The following SEMA6A variants were observed in gnomAD, a reference collection of about 807,000 sequenced individuals.
SEMA6A encodes semaphorin-6A.
A neutral mutation model predicts 96.8 loss-of-function variants in SEMA6A; 25 were observed. The ratio of observed to expected loss-of-function variants is 0.26; its 90% CI spans 0.19 to 0.36. The LOEUF (loss-of-function observed/expected upper bound fraction) is 0.36. Among genes scored for constraint, SEMA6A ranks in the 10% least tolerant of loss-of-function variants. The pLI is 1.00. For missense variants in SEMA6A, 1,363 were observed against 1,323.1 expected, an observed-to-expected ratio of 1.03 and a Z score of -0.47; for synonymous variants, 612 against 518.0, an observed-to-expected ratio of 1.18 and a Z score of -2.46.
chr5:116,518,657 C>T (rs1053518070), intron 1 of SEMA6A, among the ~76,000 whole-genome samples: 1 of 152,204 alleles, frequency 6.6e-6, no homozygotes, highest in Non-Finnish European at 1.5e-5. Context: ...TCTAGCATAG[C>T]ACAAGGATCC....
At chr5:116,485,917 A>C (rs1757028971) in intron 10 of SEMA6A, among the ~76,000 whole-genome samples, 2 of 152,178 alleles carry the variant, frequency 1.3e-5, no homozygotes, top group Admixed American at 1.3e-4. Context: ...AAAAACACTA[A>C]TGCTTATCTT....
chr5:116,542,424 A>G (rs982734782), intron 1 of SEMA6A, among the ~76,000 whole-genome samples: 4 of 152,118 alleles, frequency 2.6e-5, no homozygotes, highest in African/African-American at 7.2e-5. Flanking sequence ...ACAGGCATAT[A>G]TCATTTTTAA....
At chr5:116,511,668 G>A (rs1430323119) in intron 1 of SEMA6A, among the ~76,000 whole-genome samples, 1 of 152,208 alleles carries the variant, frequency 6.6e-6, no homozygotes, top group East Asian at 1.9e-4. Context: ...TCCCAAACAT[G>A]TAGGCATGCA....
At position 116,510,133 on chromosome 5, in the gene SEMA6A, A is replaced by C. The variant is rs537587609; in HGVS notation, c.-38-5151T>G. Among the ~76,000 whole-genome samples the C allele has an allele frequency of 1.1e-4, 16 of 152,252 alleles. No homozygotes were observed. The South Asian group carries it at 2.3e-3, about 22-fold the overall frequency. ...AAAGTTCATCAAGCGAGAGCAAAGA[A>C]ATCCCAGCATGCTATACTGCCTAGT... On this transcript the variant is annotated intron_variant, in intron 1 of 18. Coordinates refer to ENST00000343348, the MANE Select transcript of SEMA6A (RefSeq NM_020796.5).
chr5:116,526,818 T>G (rs1580476200), intron 1 of SEMA6A, among the ~76,000 whole-genome samples: 1 of 152,094 alleles, frequency 6.6e-6, no homozygotes, highest in South Asian at 2.1e-4. Context: ...CCTTTCTACT[T>G]GCAAATACAG....
At chr5:116,572,500 C>A (rs1761263209) in intron 1 of SEMA6A, among the ~76,000 whole-genome samples, 1 of 152,244 alleles carries the variant, frequency 6.6e-6, no homozygotes, top group South Asian at 2.1e-4. Context: ...TCCACGCACA[C>A]CTGGCTCTGC....
At chr5:116,532,110 G>A (rs1380677802) in intron 1 of SEMA6A, among the ~76,000 whole-genome samples, 1 of 152,136 alleles carries the variant, frequency 6.6e-6, no homozygotes, top group Non-Finnish European at 1.5e-5. Context: ...GCCTTGCTGA[G>A]GAAATTAAAT....
chr5:116,562,598 G>A (rs1008183095), intron 1 of SEMA6A: 2 of 679,646 alleles, frequency 2.9e-6, no homozygotes, highest in Non-Finnish European at 5.5e-6. Flanking sequence ...GGAAGAACAG[G>A]TCATCAGCCT....
At position 116,447,016 on chromosome 5, in the gene SEMA6A, T is replaced by G. The variant is rs1369164408; in HGVS notation, c.2690A>C (p.Gln897Pro). ...SLGPPGASLSQTGLSKRLEMH... is the reference protein window; with the variant it reads ...SLGPPGASLSPTGLSKRLEMH... ...TTCCAGCCGCTTGCTTAGACCGGTC[T>G]GAGACAGGGAGGCTCCCGGGGGACC... The change falls in exon 19 of 19, where the codon CAG becomes CCG. Residue 897 changes from glutamine to proline, a missense_variant. Physicochemically the swap from Gln to Pro is moderately conservative, Grantham distance 76. This residue lies in a region of SEMA6A where 883 missense variants were observed against 763.6 expected (regional missense o/e 1.16). Coordinates refer to ENST00000343348, the MANE Select transcript of SEMA6A (RefSeq NM_020796.5). 1 of 1,613,892 alleles carries G rather than the reference T, an allele frequency of 6.2e-7. No homozygotes were observed. Among genetic ancestry groups the G allele is most frequent in the Non-Finnish European group, 8.5e-7 (1 of 1,179,864 alleles).
intron 1 of SEMA6A, among the ~76,000 whole-genome samples, chr5:116,513,242 T>C (rs1758503890): frequency 6.6e-6 from 1 of 152,030 alleles, no homozygotes; most frequent in African/African-American, 2.4e-5. Flanking sequence ...ATTCTCCTGC[T>C]CCAGCCTCCT....
At chr5:116,494,232 A>G (rs1757467861) in intron 6 of SEMA6A, among the ~76,000 whole-genome samples, 1 of 152,246 alleles carries the variant, frequency 6.6e-6, no homozygotes, top group African/African-American at 2.4e-5. Flanking sequence ...CAAGCTCAAT[A>G]GGCCATTTCT....
At chr5:116,555,518 A>G (rs138521372) in intron 1 of SEMA6A, among the ~76,000 whole-genome samples, 367 of 152,284 alleles carry the variant, frequency 2.4e-3, no homozygotes, top group African/African-American at 8.4e-3. Flanking sequence ...ACTTGTTTGT[A>G]TCTATACATT....
At chr5:116,474,569 T>A (rs942447919) in intron 16 of SEMA6A, among the ~76,000 whole-genome samples, 2 of 152,220 alleles carry the variant, frequency 1.3e-5, no homozygotes, top group Admixed American at 1.3e-4. Flanking sequence ...AGTCTGCCTT[T>A]AGCCCTCTTT....
intron 18 of SEMA6A, among the ~76,000 whole-genome samples, chr5:116,466,101 C>T (rs1755721078): frequency 6.8e-6 from 1 of 147,280 alleles, no homozygotes; most frequent in Non-Finnish European, 1.5e-5. Flanking sequence ...CCGGGAGCAG[C>T]AGCTCAAGCC....
chr5:116,505,091 A>G (rs1758079898), intron 1 of SEMA6A, 109 bp from the exon 2 acceptor site: 1 of 581,354 alleles, frequency 1.7e-6, no homozygotes, highest in Non-Finnish European at 3.1e-6. Flanking sequence ...TCTGCTTTAC[A>G]TCTTCTACAT....
intron 1 of SEMA6A, among the ~76,000 whole-genome samples, chr5:116,563,668 T>A (rs894946572): frequency 2.0e-5 from 3 of 152,122 alleles, no homozygotes; most frequent in Admixed American, 2.0e-4. Flanking sequence ...CACCCAAGAG[T>A]AATCACAATC....
At chr5:116,454,260 G>C (rs1754843015) in intron 18 of SEMA6A, among the ~76,000 whole-genome samples, 1 of 152,138 alleles carries the variant, frequency 6.6e-6, no homozygotes, top group South Asian at 2.1e-4. Flanking sequence ...TTGGGTCTGA[G>C]AGCTAAGAAA....
At chr5:116,480,655 C>G (rs1172292841) in intron 11 of SEMA6A, among the ~76,000 whole-genome samples, 1 of 152,102 alleles carries the variant, frequency 6.6e-6, no homozygotes, top group African/African-American at 2.4e-5. Context: ...TGCATTTACT[C>G]TACAGAGGGA....
At chr5:116,468,358 T>A (rs1755900690) in intron 17 of SEMA6A, 1 of 152,328 alleles carries the variant, frequency 6.6e-6, no homozygotes, top group South Asian at 2.1e-4. Flanking sequence ...TAGTTAGTGG[T>A]TTCCAAAGGG....
Sources: gnomAD v4.1 joint callset for allele counts (sites outside exome capture counted in the v4.1 genomes callset) on GRCh38, gnomAD v4.1.1 for gene constraint, gnomAD v4.1.1 regional missense constraint, MANE v1.5 for transcripts, NCBI Gene and HGNC (gene_info 2026-07-23, HGNC 2026-07-21) for gene names.